The following CFAP61 variants were observed in gnomAD, a reference collection of about 807,000 sequenced individuals.
CFAP61 encodes cilia and flagella associated protein 61.
In CFAP61, 107 loss-of-function variants were observed where a neutral mutation model predicts 135.6. The ratio of observed to expected loss-of-function variants is 0.79; its 90% CI spans 0.67 to 0.93. CFAP61 has a LOEUF of 0.93. Among genes scored for constraint, CFAP61 ranks in the 40% least tolerant of loss-of-function variants. The pLI, the probability that CFAP61 is intolerant of heterozygous loss-of-function variation, is 0.00. For synonymous variants in CFAP61, 575 were observed against 578.5 expected, an observed-to-expected ratio of 0.99 and a Z score of 0.09; for missense variants, 1,507 against 1,556.2, an observed-to-expected ratio of 0.97 and a Z score of 0.53.
chr20:20,283,354 T>C (rs1215422004), intron 22 of CFAP61, among the ~76,000 whole-genome samples: 2 of 152,230 alleles, frequency 1.3e-5, no homozygotes, highest in Admixed American at 6.5e-5. Context: ...GATTATCTGA[T>C]ACTAATATGA....
intron 6 of CFAP61, among the ~76,000 whole-genome samples, chr20:20,089,905 A>C (rs1399045544): frequency 6.6e-6 from 1 of 152,224 alleles, no homozygotes. Flanking sequence ...CATCTCAGGA[A>C]TAAAGGATGC....
At chr20:20,092,875 C>T (rs1434207752) in intron 7 of CFAP61, among the ~76,000 whole-genome samples, 1 of 152,208 alleles carries the variant, frequency 6.6e-6, no homozygotes, top group East Asian at 1.9e-4. Context: ...TTGGAAGCCT[C>T]ATCCATTGCT....
chr20:20,242,974 C>T (rs1030339379), intron 18 of CFAP61, among the ~76,000 whole-genome samples: 4 of 152,224 alleles, frequency 2.6e-5, no homozygotes, highest in Non-Finnish European at 4.4e-5. Flanking sequence ...TGCCTCCAGA[C>T]TTACTAGCTA....
At chr20:20,153,841 T>C (rs982003192) in intron 9 of CFAP61, among the ~76,000 whole-genome samples, 8 of 152,014 alleles carry the variant, frequency 5.3e-5, no homozygotes, top group Admixed American at 5.2e-4. Context: ...AAAGAGGTAA[T>C]CCTCCTTAAA....
intron 19 of CFAP61, among the ~76,000 whole-genome samples, chr20:20,246,920 A>G (rs1201372571): frequency 2.0e-5 from 3 of 152,232 alleles, no homozygotes; most frequent in Non-Finnish European, 4.4e-5. Flanking sequence ...AACAATGAGA[A>G]AAAACACAAC....
At chr20:20,325,298 T>C (rs1397149955) in intron 25 of CFAP61, among the ~76,000 whole-genome samples, 1 of 152,232 alleles carries the variant, frequency 6.6e-6, no homozygotes, top group East Asian at 1.9e-4. Context: ...CTGTTAGTGT[T>C]GACAAATGTA....
At position 20,341,868 on chromosome 20, in the gene CFAP61, G is replaced by A. The variant is rs372161387; in HGVS notation, c.3460G>A (p.Asp1154Asn). ...GCCGTGGTGCCTGGCCCTGTTCCAC[G>A]ATCGTTTTATTGATCTCAGGAAAGA... ...TEPWCLALFH[D>N]RFIDLRKELR... The change falls in exon 26 of 27, where the codon GAT (aspartate) becomes AAT (asparagine). Residue 1154 changes from aspartate to asparagine, a missense_variant. Transcript: ENST00000245957. 37 of 1,613,548 alleles carry A rather than the reference G, an allele frequency of 2.3e-5. No homozygotes were observed. Among genetic ancestry groups the A allele is most frequent in the South Asian group, 8.8e-5 (8 of 91,024 alleles).
intron 9 of CFAP61, among the ~76,000 whole-genome samples, chr20:20,152,267 A>G (rs1424241385): frequency 1.3e-5 from 2 of 152,176 alleles, no homozygotes; most frequent in Non-Finnish European, 2.9e-5. Context: ...AACCTCCATA[A>G]GCATAAATCT....
rs762345739 is a variant in CFAP61 at position 20,074,371 on chromosome 20, A to G, written c.364A>G (p.Ile122Val). 6.2e-7 allele frequency: 1 copy of G among 1,613,960 alleles called. No individual in the cohort carries two copies. Among genetic ancestry groups the G allele is most frequent in the Admixed American group, 1.7e-5 (1 of 60,012 alleles). The stretch of plus-strand genomic sequence containing the variant: ...GTATTCTGTTGGCTGTTGCAAAGAG[A>G]TTCTTCGGTGAGTGGATATGGCCGT... Reference protein sequence around the residue: ...DEYSVGCCKEILRTVYKAVPE... With the variant: ...DEYSVGCCKEVLRTVYKAVPE... The change falls in exon 4 of 27, where the codon ATT becomes GTT. Residue 122 changes from isoleucine to valine, a missense_variant. Ile to Val is a conservative substitution (Grantham distance 29). Transcript: ENST00000245957.
intron 22 of CFAP61, among the ~76,000 whole-genome samples, chr20:20,280,381 C>A (rs950916794): frequency 6.6e-6 from 1 of 152,138 alleles, no homozygotes; most frequent in African/African-American, 2.4e-5. Context: ...TTGGATTCTC[C>A]AGAACTGTGA....
At chr20:20,191,678 A>G (rs950924040) in intron 15 of CFAP61, among the ~76,000 whole-genome samples, 2 of 151,472 alleles carry the variant, frequency 1.3e-5, no homozygotes, top group Non-Finnish European at 2.9e-5. Flanking sequence ...GCTTTCCACC[A>G]CCTATACATA....
chr20:20,228,795 T>C (rs1011870595), intron 18 of CFAP61, among the ~76,000 whole-genome samples: 2 of 152,200 alleles, frequency 1.3e-5, no homozygotes, highest in African/African-American at 4.8e-5. Context: ...ATGTTTTCCT[T>C]ACTGGCCCGA....
chr20:20,151,798 CCT>C (rs1411492740), intron 9 of CFAP61, among the ~76,000 whole-genome samples: 171 of 130,768 alleles, frequency 1.3e-3, no homozygotes, highest in Admixed American at 2.8e-3. Context: ...CCACTGCACT[CCT>C]GTCTGGGCGA....
At chr20:20,133,075 G>A (rs1383818835) in intron 8 of CFAP61, among the ~76,000 whole-genome samples, 1 of 151,878 alleles carries the variant, frequency 6.6e-6, no homozygotes, top group Non-Finnish European at 1.5e-5. Context: ...CTATTTATTG[G>A]TGTTTTATTC....
intron 1 of CFAP61, among the ~76,000 whole-genome samples, chr20:20,054,050 T>C (rs1009860178): frequency 4.4e-4 from 65 of 148,354 alleles, no homozygotes; most frequent in Non-Finnish European, 4.8e-4. Context: ...AAATGTATTA[T>C]CCTTCTTACT....
chr20:20,235,442 A>G (rs1015262006), intron 18 of CFAP61, among the ~76,000 whole-genome samples: 1 of 151,922 alleles, frequency 6.6e-6, no homozygotes, highest in African/African-American at 2.4e-5. Context: ...AGGCCCAGCA[A>G]TGTGTGTCTT....
At chr20:20,277,605 G>GTAT in intron 22 of CFAP61, 147 bp downstream of exon 22, 1 of 760,842 alleles carries the variant, frequency 1.3e-6, no homozygotes, top group Non-Finnish European at 2.1e-6. Context: ...CCTCTTGCTG[G>GTAT]GTAACAACCC....
intron 26 of CFAP61, among the ~76,000 whole-genome samples, chr20:20,349,189 A>AT (rs534051518): frequency 6.6e-6 from 1 of 152,330 alleles, no homozygotes; most frequent in South Asian, 2.1e-4. Context: ...AGTTGTATTA[A>AT]TCTGTTTGCA....
chr20:20,109,090 G>C (rs1183721543), intron 8 of CFAP61, among the ~76,000 whole-genome samples: 1 of 152,106 alleles, frequency 6.6e-6, no homozygotes, highest in South Asian at 2.1e-4. Context: ...TTGTTTGTTT[G>C]ATGTTTATTC....
Sources: gnomAD v4.1 joint callset for allele counts (sites outside exome capture counted in the v4.1 genomes callset) on GRCh38, gnomAD v4.1.1 for gene constraint, MANE v1.5 for transcripts, NCBI Gene and HGNC (gene_info 2026-07-23, HGNC 2026-07-21) for gene names.